The following TMEM144 variants were observed in gnomAD, a reference collection of about 807,000 sequenced individuals.
The protein encoded by TMEM144 is transmembrane protein 144.
A neutral mutation model predicts 43.6 loss-of-function variants in TMEM144; 39 were observed. The ratio of observed to expected loss-of-function variants is 0.90; its 90% CI spans 0.69 to 1.17. The LOEUF is 1.17. Ranked by LOEUF, TMEM144 falls within the 50% of genes most tolerant of loss-of-function variation. The probability of loss-of-function intolerance (pLI) is 0.00; values close to 1 mark genes in which losing one functional copy is unlikely to be tolerated. For missense variants in TMEM144, 417 were observed against 411.9 expected (o/e 1.01, Z -0.11); for synonymous variants, 154 against 133.6 (o/e 1.15, Z -1.06).
At chr4:158,224,550 T>A (rs1275723732) in intron 6 of TMEM144, among the ~76,000 whole-genome samples, 1 of 152,176 alleles carries the variant, frequency 6.6e-6, no homozygotes, top group Non-Finnish European at 1.5e-5. Flanking sequence ...TACAAATAAG[T>A]TTTTTTAGAG....
intron 6 of TMEM144, 40 bp downstream of exon 6, chr4:158,219,430 C>A: frequency 1.3e-6 from 2 of 1,570,468 alleles, no homozygotes; most frequent in Non-Finnish European, 1.8e-6. Context: ...TTCTTCAAAA[C>A]ATGGAGAGTG....
chr4:158,245,768 C>T (rs936563894), intron 12 of TMEM144, among the ~76,000 whole-genome samples: 1 of 151,882 alleles, frequency 6.6e-6, no homozygotes, highest in Non-Finnish European at 1.5e-5. Context: ...TCTACAAAAA[C>T]AATTTAAAAA....
At chr4:158,225,491 A>G (rs1734719185) in intron 6 of TMEM144, among the ~76,000 whole-genome samples, 1 of 152,218 alleles carries the variant, frequency 6.6e-6, no homozygotes, top group South Asian at 2.1e-4. Flanking sequence ...TAAGCTTTAA[A>G]TTGATCTGGT....
At position 158,217,415 on chromosome 4, in the gene TMEM144, C is replaced by T. The variant is rs1235379383; in HGVS notation, c.327C>T (p.Ser109=). ...GSFNALTGWA[S]SRFGWFGLDA... ...TTAATGCCTTAACTGGCTGGGCAAG[C>T]TCAAGGTAATTCAAGTCAAACTAGT... Residue 109 remains serine, a synonymous_variant, in exon 5 of 13, where the codon AGC becomes AGT. Coordinates refer to ENST00000296529, the MANE Select transcript of TMEM144 (RefSeq NM_018342.5). 5.6e-6 allele frequency: 9 copies of T among 1,611,210 alleles called. No homozygotes were observed. The highest frequency in any genetic ancestry group is 7.6e-6 in the Non-Finnish European group (9 of 1,177,810).
chr4:158,252,483 A>G lies in TMEM144; in HGVS notation c.955-961A>G, dbSNP rs560507121. 3.0e-4 allele frequency among the ~76,000 whole-genome samples: 45 copies of G among 152,290 alleles called. No homozygotes were observed. In the Middle Eastern group the frequency reaches 0.01, roughly 35 times the overall value. On this transcript the variant is annotated intron_variant, in intron 12 of 12. Transcript: ENST00000296529. ...TGCAGAAAAGTGTGAGCTTTACACA[A>G]TGCAAGTCTGAAATTTTAACACAGC...
At chr4:158,239,888 G>GT (rs777121804) in intron 9 of TMEM144, among the ~76,000 whole-genome samples, 3,595 of 139,310 alleles carry the variant, frequency 0.026, 52 homozygotes, top group Middle Eastern at 0.053. Context: ...AATTAATGGG[G>GT]TTTTTTTTTT....
At chr4:158,223,386 T>C (rs1364616071) in intron 6 of TMEM144, among the ~76,000 whole-genome samples, 4 of 152,216 alleles carry the variant, frequency 2.6e-5, no homozygotes, top group African/African-American at 9.6e-5. Flanking sequence ...TACACCTGTT[T>C]GAAGTAAAAC....
intron 5 of TMEM144, among the ~76,000 whole-genome samples, chr4:158,218,014 C>T (rs1489518710): frequency 6.6e-6 from 1 of 152,136 alleles, no homozygotes; most frequent in Non-Finnish European, 1.5e-5. Flanking sequence ...AGTTGAGCAG[C>T]AAGGGAATAA....
chr4:158,230,738 C>A (rs1735037315), intron 6 of TMEM144, among the ~76,000 whole-genome samples: 1 of 151,828 alleles, frequency 6.6e-6, no homozygotes, highest in Non-Finnish European at 1.5e-5. Flanking sequence ...ATCTTGAGGA[C>A]CCTGAAGGAG....
intron 12 of TMEM144, among the ~76,000 whole-genome samples, chr4:158,248,704 G>A (rs954725595): frequency 2.0e-5 from 3 of 152,126 alleles, no homozygotes; most frequent in African/African-American, 7.2e-5. Flanking sequence ...AAGCAAACCT[G>A]TTATCTGCAG....
intron 5 of TMEM144, 36 bp from the exon 6 acceptor site, chr4:158,219,274 C>T: frequency 6.2e-7 from 1 of 1,602,464 alleles, no homozygotes. Context: ...AACATCTTAA[C>T]AATATTTAAT....
Position 158,250,258 on chromosome 4 carries a change from C to T in TMEM144, c.955-3186C>T, listed in dbSNP as rs561423524. The stretch of plus-strand genomic sequence containing the variant: ...TACATATTAGTTAGCATTAATCTTA[C>T]GAACTAATAATACAAAAGACCTTTC... On this transcript the variant is annotated intron_variant, in intron 12 of 12. Coordinates refer to ENST00000296529, the MANE Select transcript of TMEM144 (RefSeq NM_018342.5). Among the ~76,000 whole-genome samples the T allele has an allele frequency of 1.2e-4, 18 of 145,240 alleles. No homozygotes were observed. The East Asian group carries it at 2.6e-3, about 21-fold the overall frequency.
At chr4:158,235,636 A>G (rs775605846) in intron 8 of TMEM144, 131 bp downstream of exon 8, 93 of 935,704 alleles carry the variant, frequency 9.9e-5, no homozygotes, top group Non-Finnish European at 1.3e-4. Flanking sequence ...TTCTATCTCC[A>G]TGCGGCGAGG....
intron 6 of TMEM144, among the ~76,000 whole-genome samples, chr4:158,228,711 A>C (rs994170887): frequency 6.6e-6 from 1 of 152,192 alleles, no homozygotes; most frequent in Non-Finnish European, 1.5e-5. Context: ...TGCATCGACC[A>C]TCTGCCAATC....
At chr4:158,243,956 C>A (rs1008418092) in intron 11 of TMEM144, among the ~76,000 whole-genome samples, 4 of 152,192 alleles carry the variant, frequency 2.6e-5, no homozygotes, top group Admixed American at 1.3e-4. Flanking sequence ...TCTTATTAAT[C>A]CCATTTCTAG....
chr4:158,215,083 C>A, intron 3 of TMEM144, 108 bp from the exon 4 acceptor site: 1 of 1,359,420 alleles, frequency 7.4e-7, no homozygotes, highest in Non-Finnish European at 1.0e-6. Context: ...TGGCATATGG[C>A]ATTTAATAAA....
intron 10 of TMEM144, among the ~76,000 whole-genome samples, chr4:158,240,852 CAT>C (rs1432900506): frequency 2.0e-5 from 3 of 152,136 alleles, no homozygotes; most frequent in Admixed American, 6.5e-5. Context: ...TCAAAAAAGA[CAT>C]ATGTTAAACA....
chr4:158,252,266 C>G (rs1560845378), intron 12 of TMEM144, among the ~76,000 whole-genome samples: 1 of 152,140 alleles, frequency 6.6e-6, no homozygotes, highest in Non-Finnish European at 1.5e-5. Context: ...TCTTTAAGAC[C>G]AGGCACCCCA....
chr4:158,236,332 C>T lies in TMEM144; in HGVS notation c.563+827C>T, dbSNP rs148828623. Among the ~76,000 whole-genome samples, 424 of 152,136 alleles carry T rather than the reference C, an allele frequency of 2.8e-3. 1 individual carries two copies. The highest frequency in any genetic ancestry group is 9.9e-3 in the African/African-American group (411 of 41,500). ...AGAAATAAATATGTTGCTGGTTTTG[C>T]GTCAGAATAAAACCAACCTTTCAAA... On this transcript the variant is annotated intron_variant, in intron 8 of 12. Transcript: ENST00000296529.
Sources: allele counts gnomAD v4.1 joint callset (sites outside exome capture counted in the v4.1 genomes callset), GRCh38; gene constraint gnomAD v4.1.1; transcripts MANE v1.5; gene names NCBI Gene and HGNC (gene_info 2026-07-23, HGNC 2026-07-21).